PITPNM2: variants seen among roughly 807,000 people sequenced by gnomAD.
The protein encoded by PITPNM2 is membrane-associated phosphatidylinositol transfer protein 2.
A neutral mutation model predicts 132.2 loss-of-function variants in PITPNM2; 35 were observed. That is an observed-to-expected ratio of 0.26 (90% CI 0.20 to 0.35). PITPNM2 has a LOEUF of 0.35. Ranked by LOEUF, PITPNM2 falls within the 10% of genes least tolerant of loss-of-function variation. The probability of loss-of-function intolerance (pLI) is 1.00; values close to 1 mark genes in which losing one functional copy is unlikely to be tolerated. For synonymous variants in PITPNM2, 738 were observed against 799.2 expected (o/e 0.92, Z 1.29); for missense variants, 1,332 against 1,912.0 (o/e 0.70, Z 5.66).
Position 123,031,640 on chromosome 12 carries a change from G to A in PITPNM2, c.78+2873C>T, listed in dbSNP as rs1001578511. Among the ~76,000 whole-genome samples, 3 of 151,980 alleles carry A rather than the reference G, an allele frequency of 2.0e-5. No homozygotes were observed. Among genetic ancestry groups the A allele is most frequent in the South Asian group, 2.1e-4 (1 of 4,806 alleles). Reference sequence around the variant, plus strand: ...CTGCCCATCACCAAGCTGTCTATCCGACACCCCCAGCCTCAAGGCCTGCCC... The same window carrying A: ...CTGCCCATCACCAAGCTGTCTATCCAACACCCCCAGCCTCAAGGCCTGCCC... On this transcript the variant is annotated intron_variant, in intron 3 of 25. Transcript: ENST00000320201. The surrounding 1 kb of genome is among the most constrained non-coding windows in gnomAD (Gnocchi z 4.5).
chr12:123,112,402 G>A (rs1001647687), intron 1 of PITPNM2, among the ~76,000 whole-genome samples: 5 of 152,160 alleles, frequency 3.3e-5, no homozygotes, highest in Middle Eastern at 3.2e-3. Flanking sequence ...TGCATGTAAT[G>A]TACGTTCCAT....
intron 1 of PITPNM2, among the ~76,000 whole-genome samples, chr12:123,133,422 C>A (rs2043307761): frequency 6.6e-6 from 1 of 152,196 alleles, no homozygotes; most frequent in Admixed American, 6.5e-5. Flanking sequence ...TGACCCTGAA[C>A]AAATACATTG....
intron 2 of PITPNM2, among the ~76,000 whole-genome samples, chr12:123,093,472 A>ACACACG (rs1380554613): frequency 1.3e-5 from 2 of 149,960 alleles, no homozygotes; most frequent in African/African-American, 5.1e-5. Context: ...ACACACACGC[A>ACACACG]CACACACACA....
rs1276816612 is a variant in PITPNM2, at chr12:123,121,741, G to T, written c.-199-11253C>A. Among the ~76,000 whole-genome samples, 3 of 151,674 alleles carry T rather than the reference G, an allele frequency of 2.0e-5. No homozygotes were observed. In the East Asian group the frequency reaches 5.8e-4, roughly 29 times the overall value. On this transcript the variant is annotated intron_variant, in intron 1 of 25. Transcript: ENST00000320201. Reference sequence around the variant, plus strand: ...ATAATTTTTTTTTAGTAGAGGAAAGGTCTATGTTGTCCAGGGTGGTCTCTA... The same window carrying T: ...ATAATTTTTTTTTAGTAGAGGAAAGTTCTATGTTGTCCAGGGTGGTCTCTA...
rs757320666 is a variant in PITPNM2 at position 123,001,039 on chromosome 12, C to A, written c.1153+15G>T. 6.2e-7 allele frequency: 1 copy of A among 1,610,892 alleles called. No individual in the cohort carries two copies. The highest frequency in any genetic ancestry group is 1.1e-5 in the South Asian group (1 of 91,026). ...CGCCCTCCCCAGGCTCTGCAGCACC[C>A]CCAGACCTGCTGACCTTGTGTGTCT... On this transcript the variant is annotated intron_variant, in intron 9 of 25. Coordinates refer to ENST00000320201, the MANE Select transcript of PITPNM2 (RefSeq NM_020845.3).
At chr12:123,144,972 G>C (rs1280159806) in intron 1 of PITPNM2, among the ~76,000 whole-genome samples, 3 of 152,222 alleles carry the variant, frequency 2.0e-5, no homozygotes, top group Non-Finnish European at 4.4e-5. Flanking sequence ...CCTAGGAGCA[G>C]TGGTTCAGTG....
chr12:123,137,862 C>T (rs2043415355), intron 1 of PITPNM2, among the ~76,000 whole-genome samples: 1 of 144,980 alleles, frequency 6.9e-6, no homozygotes, highest in Admixed American at 7.1e-5. Context: ...CACTGTACTC[C>T]AGCCTGGGTG....
At chr12:123,003,099 C>G (rs1015748375) in intron 8 of PITPNM2, among the ~76,000 whole-genome samples, 1 of 152,260 alleles carries the variant, frequency 6.6e-6, no homozygotes, top group African/African-American at 2.4e-5. Context: ...CTCATTCCTC[C>G]TATCTAGATA....
At chr12:123,052,900 T>A (rs1344629368) in intron 2 of PITPNM2, among the ~76,000 whole-genome samples, 3 of 151,840 alleles carry the variant, frequency 2.0e-5, no homozygotes, top group Non-Finnish European at 4.4e-5. Context: ...ATTTTTATAT[T>A]ATTTATTTTT....
chr12:122,991,924 A>C, intron 16 of PITPNM2: 1 of 1,307,490 alleles, frequency 7.6e-7, no homozygotes, highest in Non-Finnish European at 9.7e-7. Context: ...GAGAGAACAG[A>C]GGACAAGAAC....
intron 1 of PITPNM2, among the ~76,000 whole-genome samples, chr12:123,141,891 C>T (rs545148239): frequency 1.9e-4 from 29 of 152,292 alleles, no homozygotes; most frequent in African/African-American, 6.7e-4. Flanking sequence ...CCCTTGGACT[C>T]GGTTTTTTCC....
At chr12:122,987,722 C>A in intron 21 of PITPNM2, 63 bp from the exon 22 acceptor site, 1 of 1,612,072 alleles carries the variant, frequency 6.2e-7, no homozygotes, top group Non-Finnish European at 8.5e-7. Flanking sequence ...TGCACCCCGG[C>A]CAGAGGGCAG....
chr12:123,057,199 G>A (rs562991736), intron 2 of PITPNM2, among the ~76,000 whole-genome samples: 244 of 151,916 alleles, frequency 1.6e-3, no homozygotes, highest in African/African-American at 5.5e-3. Context: ...TGACCAACAC[G>A]GAGAAACCCC....
In PITPNM2 at chr12:123,082,502, G is replaced by A. The variant is rs557837018; in HGVS notation, c.-96+27883C>T. 2.0e-5 allele frequency among the ~76,000 whole-genome samples: 3 copies of A among 152,118 alleles called. No homozygotes were observed. Among genetic ancestry groups the A allele is most frequent in the South Asian group, 4.2e-4 (2 of 4,810 alleles). ...TGCCCAGGCTGGAGTGCAGTGGCAC[G>A]ATTTCAGCTCACTGCAACCTCTGCC... On this transcript the variant is annotated intron_variant, in intron 2 of 25. Transcript: ENST00000320201. The surrounding 1 kb of genome is among the most constrained non-coding windows in gnomAD (Gnocchi z 5.4).
chr12:123,094,366 G>A (rs1310882797), intron 2 of PITPNM2, among the ~76,000 whole-genome samples: 1 of 152,204 alleles, frequency 6.6e-6, no homozygotes, highest in Non-Finnish European at 1.5e-5. Context: ...AGGTGACTCC[G>A]GCTGACCTCG....
chr12:123,062,020 C>G (rs1217205034), intron 2 of PITPNM2, among the ~76,000 whole-genome samples: 1 of 152,124 alleles, frequency 6.6e-6, no homozygotes, highest in Non-Finnish European at 1.5e-5. Flanking sequence ...GGCCCTGCAG[C>G]AACTGAGGGG....
Position 122,993,803 on chromosome 12 carries a change from T to C in PITPNM2, c.2233+998A>G, listed in dbSNP as rs1183210576. ...CCTTAAAGCTACCCATTTCTCTTCC[T>C]GGCAGTGCTGAAGTCGCCAGTTTAT... On this transcript the variant is annotated intron_variant, in intron 15 of 25. Transcript: ENST00000320201. The surrounding 1 kb of genome is among the most constrained non-coding windows in gnomAD (Gnocchi z 5.2). Among the ~76,000 whole-genome samples the C allele has an allele frequency of 1.3e-5, 2 of 152,184 alleles. No individual in the cohort carries two copies. Among genetic ancestry groups the C allele is most frequent in the Non-Finnish European group, 1.5e-5 (1 of 68,030 alleles).
At position 123,008,773 on chromosome 12, in the gene PITPNM2, GGTGA is replaced by G. The variant is rs2039047182; in HGVS notation, c.643+1073_643+1076del. 3.3e-5 allele frequency among the ~76,000 whole-genome samples: 5 copies of G among 152,196 alleles called. No individual in the cohort carries two copies. The highest frequency in any genetic ancestry group is 7.3e-5 in the Non-Finnish European group (5 of 68,040). On this transcript the variant is annotated intron_variant, in intron 6 of 25. Transcript: ENST00000320201. The surrounding 1 kb of genome is among the most constrained non-coding windows in gnomAD (Gnocchi z 4.1). ...AGTGTTCTGCCCTGGGGATGGAGGT[GGTGA>G]CACCAACACACCCATCGAGGCCCTG...
intron 16 of PITPNM2, 52 bp from the exon 17 acceptor site, chr12:122,990,761 C>T (rs758219661): frequency 7.2e-6 from 11 of 1,534,914 alleles, no homozygotes; most frequent in South Asian, 2.5e-5. Flanking sequence ...TGCCCAGCCC[C>T]GGAGCAGTGG....
Sources: allele counts gnomAD v4.1 joint callset (sites outside exome capture counted in the v4.1 genomes callset), GRCh38; gene constraint gnomAD v4.1.1; non-coding constraint Gnocchi (gnomAD v3.1); transcripts MANE v1.5; gene names NCBI Gene and HGNC (gene_info 2026-07-23, HGNC 2026-07-21).